Variants in VPS54 observed in about 807,000 individuals in gnomAD.
VPS54 encodes VPS54 subunit of GARP complex.
Under a neutral mutation model 121.5 loss-of-function variants are expected in VPS54, and 45 were observed. The observed-to-expected ratio is 0.37, with a 90% CI of 0.29 to 0.47. The LOEUF is 0.47. Among genes scored for constraint, VPS54 ranks in the 20% least tolerant of loss-of-function variants. The pLI, the probability that VPS54 is intolerant of heterozygous loss-of-function variation, is 0.99. For synonymous variants in VPS54, 371 were observed against 385.8 expected, an observed-to-expected ratio of 0.96 and a Z score of 0.45; for missense variants, 1,090 against 1,131.4, an observed-to-expected ratio of 0.96 and a Z score of 0.52.
chr2:63,925,321 T>G (rs1558995728), intron 12 of VPS54, among the ~76,000 whole-genome samples: 1 of 152,116 alleles, frequency 6.6e-6, no homozygotes, highest in Non-Finnish European at 1.5e-5. Context: ...GGAAATAAAA[T>G]TACTACACTT....
intron 3 of VPS54, among the ~76,000 whole-genome samples, chr2:63,973,397 T>G (rs1162348321): frequency 6.6e-6 from 1 of 152,236 alleles, no homozygotes; most frequent in Admixed American, 6.5e-5. Flanking sequence ...ATTTATCACG[T>G]AAAATTATTT....
At chr2:63,897,292 C>T (rs1672484366) in intron 22 of VPS54, among the ~76,000 whole-genome samples, 1 of 147,124 alleles carries the variant, frequency 6.8e-6, no homozygotes, top group African/African-American at 2.4e-5. Flanking sequence ...GTCAGGTAAG[C>T]AATTGTCCAT....
At chr2:63,996,151 C>T (rs1677577796) in intron 1 of VPS54, among the ~76,000 whole-genome samples, 2 of 152,154 alleles carry the variant, frequency 1.3e-5, no homozygotes, top group South Asian at 4.1e-4. Context: ...AAGTCAGGGA[C>T]CCTGAACGGA....
chr2:63,981,572 A>T, intron 3 of VPS54, 74 bp downstream of exon 3: 2 of 1,471,120 alleles, frequency 1.4e-6, no homozygotes, highest in East Asian at 4.6e-5. Flanking sequence ...CTGGTCAAAA[A>T]TCTATAATAA....
At chr2:63,983,298 A>AT (rs1676881911) in intron 2 of VPS54, among the ~76,000 whole-genome samples, 2 of 151,388 alleles carry the variant, frequency 1.3e-5, no homozygotes, top group South Asian at 4.2e-4. Context: ...CACCCAGCTA[A>AT]TTTTTTATAT....
chr2:63,972,742 G>T (rs552955593), intron 3 of VPS54, among the ~76,000 whole-genome samples: 1 of 152,106 alleles, frequency 6.6e-6, no homozygotes, highest in Non-Finnish European at 1.5e-5. Flanking sequence ...GCCAGGAGTA[G>T]TGGCGCACAC....
intron 20 of VPS54, 90 bp from the exon 21 acceptor site, chr2:63,899,671 TC>T: frequency 9.9e-7 from 1 of 1,009,708 alleles, no homozygotes; most frequent in Non-Finnish European, 1.5e-6. Flanking sequence ...TTACTGTCCC[TC>T]CACATATCCA....
intron 1 of VPS54, among the ~76,000 whole-genome samples, chr2:64,018,327 G>A (rs1391428516): frequency 1.3e-5 from 2 of 152,086 alleles, no homozygotes; most frequent in Non-Finnish European, 2.9e-5. Flanking sequence ...CAGACCAAAC[G>A]GCTAATTATA....
chr2:63,989,719 G>C (rs1294270737), intron 1 of VPS54, among the ~76,000 whole-genome samples: 1 of 152,130 alleles, frequency 6.6e-6, no homozygotes, highest in Admixed American at 6.5e-5. Flanking sequence ...GTCACACGGA[G>C]TCTAAAAATT....
chr2:63,926,493 TA>T (rs1673908703), intron 12 of VPS54, among the ~76,000 whole-genome samples: 1 of 152,128 alleles, frequency 6.6e-6, no homozygotes, highest in Non-Finnish European at 1.5e-5. Context: ...TTGATTTACA[TA>T]AAGTACTGAG....
chr2:63,916,752 A>G, intron 16 of VPS54, 148 bp downstream of exon 16: 2 of 703,360 alleles, frequency 2.8e-6, no homozygotes, highest in East Asian at 2.7e-5. Context: ...AGTTTCCTTT[A>G]AGTTCTTTGC....
Position 63,912,393 on chromosome 2 carries a change from A to G in VPS54, c.2577T>C (p.Ala859=). Residue 859 remains alanine, a synonymous_variant, in exon 20 of 23, where the codon GCT becomes GCC. Transcript: ENST00000272322. ...AGCTATCCATTATCGCTACAAGCTT[A>G]GCTGATATTTCAGCTATGTGATCAT... ...DYHDHIAEIS[A]KLVAIMDSLF... 1 of 1,612,396 alleles carries G rather than the reference A, an allele frequency of 6.2e-7. No homozygotes were observed. The highest frequency in any genetic ancestry group is 1.7e-5 in the Admixed American group (1 of 59,880).
intron 3 of VPS54, among the ~76,000 whole-genome samples, chr2:63,975,990 G>A (rs887209580): frequency 8.5e-5 from 13 of 152,122 alleles, no homozygotes; most frequent in Admixed American, 2.0e-4. Flanking sequence ...GCATCCTGCC[G>A]AAGTGCTGGG....
intron 20 of VPS54, among the ~76,000 whole-genome samples, chr2:63,908,258 CATGCTGT>C (rs1217554671): frequency 1.3e-5 from 2 of 152,096 alleles, no homozygotes; most frequent in South Asian, 2.1e-4. Flanking sequence ...ACCACTGACA[CATGCTGT>C]AACATCCATG....
At chr2:64,006,980 T>A (rs1678187172) in intron 1 of VPS54, among the ~76,000 whole-genome samples, 1 of 152,236 alleles carries the variant, frequency 6.6e-6, no homozygotes, top group Non-Finnish European at 1.5e-5. Flanking sequence ...TGCAAAATTT[T>A]AAAATAAATG....
chr2:63,988,018 CCTGT>C (rs1467407874), intron 1 of VPS54, among the ~76,000 whole-genome samples: 2 of 152,144 alleles, frequency 1.3e-5, no homozygotes, highest in African/African-American at 4.8e-5. Context: ...CTTTCTTTCT[CCTGT>C]CTGACTGCTC....
At chr2:63,965,219 G>A (rs930310076) in intron 6 of VPS54, among the ~76,000 whole-genome samples, 5 of 152,148 alleles carry the variant, frequency 3.3e-5, no homozygotes, top group Non-Finnish European at 5.9e-5. Flanking sequence ...GCTCACATCC[G>A]TAATCTCAGC....
At chr2:63,972,743 T>C (rs1676343751) in intron 3 of VPS54, among the ~76,000 whole-genome samples, 1 of 151,978 alleles carries the variant, frequency 6.6e-6, no homozygotes, top group African/African-American at 2.4e-5. Context: ...CCAGGAGTAG[T>C]GGCGCACACC....
intron 20 of VPS54, among the ~76,000 whole-genome samples, chr2:63,907,774 A>G (rs1672967943): frequency 6.6e-6 from 1 of 152,154 alleles, no homozygotes; most frequent in Non-Finnish European, 1.5e-5. Flanking sequence ...AAGAAATCTG[A>G]GCAGACACTT....
Sources: gnomAD v4.1 joint callset for allele counts (sites outside exome capture counted in the v4.1 genomes callset) on GRCh38, gnomAD v4.1.1 for gene constraint, MANE v1.5 for transcripts, NCBI Gene and HGNC (gene_info 2026-07-23, HGNC 2026-07-21) for gene names.